RAI1: variants seen among roughly 807,000 people sequenced by gnomAD.
RAI1 encodes retinoic acid-induced protein 1.
A neutral mutation model predicts 123.8 loss-of-function variants in RAI1; 9 were observed. That is an observed-to-expected ratio of 0.07 (90% CI 0.04 to 0.13). The LOEUF is 0.13. Among genes scored for constraint, RAI1 ranks in the 10% least tolerant of loss-of-function variants. RAI1 has a pLI of 1.00. For synonymous variants in RAI1, 1,231 were observed against 1,127.3 expected (o/e 1.09, Z -1.84); for missense variants, 2,256 against 2,545.8 (o/e 0.89, Z 2.45).
chr17:17,760,984 AG>A (rs1567880602), intron 2 of RAI1, among the ~76,000 whole-genome samples: 2 of 151,808 alleles, frequency 1.3e-5, no homozygotes, highest in Admixed American at 6.7e-5. Context: ...CTGCATACTC[AG>A]GGGATAGGCA....
At chr17:17,740,555 G>A (rs1025828481) in intron 2 of RAI1, among the ~76,000 whole-genome samples, 1 of 152,154 alleles carries the variant, frequency 6.6e-6, no homozygotes, top group Admixed American at 6.5e-5. Context: ...TAAGGTTGCT[G>A]TGTAGGGCAA....
intron 2 of RAI1, among the ~76,000 whole-genome samples, chr17:17,734,506 T>C (rs916033901): frequency 3.9e-4 from 59 of 152,172 alleles, no homozygotes; most frequent in African/African-American, 1.4e-3. Context: ...GATTCTAAAT[T>C]GGGAGGCCTA....
At chr17:17,718,127 C>T (rs1454113797) in intron 1 of RAI1, among the ~76,000 whole-genome samples, 2 of 152,204 alleles carry the variant, frequency 1.3e-5, no homozygotes. Flanking sequence ...TACTCCCTCT[C>T]CCCTCTCCCC....
At chr17:17,682,980 C>T (rs953976899) in intron 1 of RAI1, among the ~76,000 whole-genome samples, 1 of 152,154 alleles carries the variant, frequency 6.6e-6, no homozygotes. Context: ...GCGCCGCACA[C>T]TCTCCCGCGC....
chr17:17,732,071 C>T (rs534481769), intron 2 of RAI1, among the ~76,000 whole-genome samples: 91 of 151,726 alleles, frequency 6.0e-4, no homozygotes, highest in South Asian at 2.7e-3. Flanking sequence ...CTCCTAGGTG[C>T]CCAGCCCTGG....
intron 2 of RAI1, among the ~76,000 whole-genome samples, chr17:17,751,149 G>T (rs541976617): frequency 1.3e-5 from 2 of 152,340 alleles, no homozygotes; most frequent in East Asian, 3.9e-4. Flanking sequence ...GGAGGGAGGG[G>T]TGTGTGGCCA....
intron 1 of RAI1, among the ~76,000 whole-genome samples, chr17:17,719,979 G>C (rs896846641): frequency 5.9e-5 from 9 of 152,196 alleles, no homozygotes; most frequent in African/African-American, 2.2e-4. Context: ...CCAGACCAGG[G>C]CTGAGCTTGA....
chr17:17,729,361 C>T (rs974816529), intron 2 of RAI1, among the ~76,000 whole-genome samples: 2 of 152,196 alleles, frequency 1.3e-5, no homozygotes, highest in African/African-American at 2.4e-5. Context: ...TCAGGTGTTG[C>T]GGGGTTCACA....
chr17:17,804,116 A>T, intron 4 of RAI1: 2 of 533,300 alleles, frequency 3.8e-6, no homozygotes, highest in East Asian at 3.4e-5. Context: ...ACAATGTGGA[A>T]TGCTGTCTGC....
intron 2 of RAI1, among the ~76,000 whole-genome samples, chr17:17,784,831 G>A (rs1279554697): frequency 6.6e-6 from 1 of 152,172 alleles, no homozygotes; most frequent in African/African-American, 2.4e-5. Flanking sequence ...CGGGCCACTT[G>A]AGCTCGGGGA....
chr17:17,751,959 T>A (rs1011491485), intron 2 of RAI1, among the ~76,000 whole-genome samples: 2 of 152,202 alleles, frequency 1.3e-5, no homozygotes, highest in African/African-American at 4.8e-5. Context: ...GGCAGAGTTT[T>A]TTTTTATTTT....
chr17:17,795,738 T>C lies in RAI1; in HGVS notation c.2790T>C (p.Pro930=). ...LSGESVILLG[P]TVGTESKVQS... is the part of the protein sequence containing the mutation. The stretch of plus-strand genomic sequence containing the variant: ...GGGAGTCCGTCATCCTGCTGGGCCC[T>C]ACAGTGGGCACCGAGTCAAAGGTCC... Residue 930 remains proline (P), a synonymous_variant, in exon 3 of 6, where the codon CCT becomes CCC. Transcript: ENST00000353383. This position sits in a 1 kb window ranked among gnomAD's most constrained non-coding sequence, Gnocchi z 5.9. 1 of 1,613,426 alleles carries C rather than the reference T, an allele frequency of 6.2e-7. No individual in the cohort carries two copies. Among genetic ancestry groups the C allele is most frequent in the Non-Finnish European group, 8.5e-7 (1 of 1,179,996 alleles).
At chr17:17,745,563 A>G (rs893511824) in intron 2 of RAI1, among the ~76,000 whole-genome samples, 1 of 151,524 alleles carries the variant, frequency 6.6e-6, no homozygotes, top group Non-Finnish European at 1.5e-5. Context: ...ACGCCTGGCT[A>G]TTTTTGTATT....
At chr17:17,720,333 C>T (rs562896815) in intron 1 of RAI1, among the ~76,000 whole-genome samples, 10 of 152,308 alleles carry the variant, frequency 6.6e-5, no homozygotes, top group African/African-American at 2.4e-4. Context: ...CCCTTTAAAA[C>T]CTGTGAGCAC....
intron 2 of RAI1, among the ~76,000 whole-genome samples, chr17:17,784,265 T>A (rs1447907102): frequency 1.3e-5 from 2 of 152,166 alleles, no homozygotes; most frequent in Non-Finnish European, 2.9e-5. Context: ...CCTCCCCGGC[T>A]GTCAGAATGG....
chr17:17,779,250 C>T (rs1450859238), intron 2 of RAI1: 3 of 315,198 alleles, frequency 9.5e-6, no homozygotes, highest in Admixed American at 4.4e-5. Flanking sequence ...CCCCGAAGGT[C>T]GCTGCTTCTG....
chr17:17,798,764 C>T (rs932850124), intron 3 of RAI1, among the ~76,000 whole-genome samples: 5 of 152,148 alleles, frequency 3.3e-5, no homozygotes, highest in African/African-American at 7.2e-5. Context: ...GCCCAGCCAC[C>T]GCCACTCTCC....
intron 2 of RAI1, among the ~76,000 whole-genome samples, chr17:17,771,773 C>T (rs1178287905): frequency 1.3e-5 from 2 of 152,194 alleles, no homozygotes; most frequent in African/African-American, 4.8e-5. Flanking sequence ...CGCTCCCTTC[C>T]AAGCCCCCAG....
Position 17,798,213 on chromosome 17 carries a change from C to G in RAI1, c.5265C>G (p.Pro1755=), listed in dbSNP as rs554959103. 24 of 1,612,312 alleles carry G rather than the reference C, an allele frequency of 1.5e-5. No individual in the cohort carries two copies. The highest frequency in any genetic ancestry group is 6.7e-5 in the African/African-American group (5 of 74,924). The change falls in exon 3 of 6, where the codon CCC becomes CCG. Residue 1755 remains proline, a synonymous_variant. Transcript: ENST00000353383. ...CTGCCGCCACTGCCGGGAAGCCCCC[C>G]AGGCCTGACGGCCCAGCTGACCCGG... ...CAAAATAGKP[P]RPDGPADPAK... is the part of the protein sequence containing the mutation.
Sources: gnomAD v4.1 joint callset for allele counts (sites outside exome capture counted in the v4.1 genomes callset) on GRCh38, gnomAD v4.1.1 for gene constraint, Gnocchi (gnomAD v3.1) non-coding constraint, MANE v1.5 for transcripts, NCBI Gene and HGNC (gene_info 2026-07-23, HGNC 2026-07-21) for gene names.